Variants in TAX1BP1 observed in about 807,000 individuals in gnomAD.
The protein encoded by TAX1BP1 is tax1-binding protein 1.
In TAX1BP1, 62 loss-of-function variants were observed where a neutral mutation model predicts 97.7. The observed-to-expected ratio is 0.63, with a 90% CI of 0.52 to 0.78. The LOEUF is 0.78. Ranked by LOEUF, TAX1BP1 falls within the 30% of genes least tolerant of loss-of-function variation. TAX1BP1 has a pLI of 0.00. For synonymous variants in TAX1BP1, 340 were observed against 304.2 expected (o/e 1.12, Z -1.23); for missense variants, 867 against 916.1 (o/e 0.95, Z 0.69).
intron 11 of TAX1BP1, among the ~76,000 whole-genome samples, chr7:27,795,282 T>C (rs1018193165): frequency 2.6e-5 from 4 of 152,118 alleles, no homozygotes; most frequent in Non-Finnish European, 2.9e-5. Context: ...AATAAAGACT[T>C]AGTGGTAATG....
intron 5 of TAX1BP1, among the ~76,000 whole-genome samples, chr7:27,776,317 C>T (rs1368170366): frequency 6.6e-6 from 1 of 152,070 alleles, no homozygotes. Flanking sequence ...CTTTCTTTAA[C>T]ATTTTTGTAG....
At chr7:27,819,768 G>T (rs1583409159) in intron 15 of TAX1BP1, among the ~76,000 whole-genome samples, 2 of 152,166 alleles carry the variant, frequency 1.3e-5, no homozygotes, top group South Asian at 4.1e-4. Flanking sequence ...TTCAAAAATT[G>T]TAAGTCTAAC....
intron 5 of TAX1BP1, among the ~76,000 whole-genome samples, chr7:27,774,476 A>G (rs769694785): frequency 3.3e-5 from 5 of 152,086 alleles, no homozygotes; most frequent in African/African-American, 4.8e-5. Context: ...CAAGTATAGT[A>G]TGTCTCTTTA....
At position 27,784,171 on chromosome 7, in the gene TAX1BP1, C is replaced by T. The variant is rs926702514; in HGVS notation, c.613-992C>T. Reference sequence around the variant, plus strand: ...CTTTCATACTTTTAACTTGGCAGAACGGTGATTTTTTTAGTTTTTGTTGCT... The same window carrying T: ...CTTTCATACTTTTAACTTGGCAGAATGGTGATTTTTTTAGTTTTTGTTGCT... On this transcript the variant is annotated intron_variant, in intron 5 of 16. Transcript: ENST00000396319. 2.6e-5 allele frequency among the ~76,000 whole-genome samples: 4 copies of T among 151,976 alleles called. No individual in the cohort carries two copies. The South Asian group carries it at 6.2e-4, about 24-fold the overall frequency.
intron 15 of TAX1BP1, among the ~76,000 whole-genome samples, chr7:27,817,254 A>T (rs1050054931): frequency 6.6e-6 from 1 of 152,208 alleles, no homozygotes; most frequent in African/African-American, 2.4e-5. Flanking sequence ...CTTCAGACTT[A>T]TACTTTAGGA....
intron 4 of TAX1BP1, among the ~76,000 whole-genome samples, chr7:27,769,024 A>C (rs2128312290): frequency 6.6e-6 from 1 of 151,922 alleles, no homozygotes; most frequent in East Asian, 1.9e-4. Context: ...AGAATATTGA[A>C]GTTTATATTT....
At position 27,758,789 on chromosome 7, in the gene TAX1BP1, G is replaced by A. The variant is rs146298453; in HGVS notation, c.265+656G>A. Among the ~76,000 whole-genome samples, 872 of 152,206 alleles carry A rather than the reference G, an allele frequency of 5.7e-3. 6 individuals are homozygous for A. The highest frequency in any genetic ancestry group is 0.02 in the Middle Eastern group (6 of 294). On this transcript the variant is annotated intron_variant, in intron 3 of 16. Coordinates refer to ENST00000396319, the MANE Select transcript of TAX1BP1 (RefSeq NM_006024.7). Reference sequence around the variant, plus strand: ...AGAAAGTAGAATGGTGGTCTGCAGGGCATTCAGGTTCCCTCAAGGGAGGAA... The same window carrying A: ...AGAAAGTAGAATGGTGGTCTGCAGGACATTCAGGTTCCCTCAAGGGAGGAA...
At chr7:27,788,744 T>C (rs1308047073) in intron 8 of TAX1BP1, among the ~76,000 whole-genome samples, 2 of 152,034 alleles carry the variant, frequency 1.3e-5, no homozygotes, top group African/African-American at 4.8e-5. Flanking sequence ...GAATACTTTC[T>C]TGCTTTATGG....
At chr7:27,751,156 A>G (rs973837082) in intron 2 of TAX1BP1, among the ~76,000 whole-genome samples, 2 of 152,024 alleles carry the variant, frequency 1.3e-5, no homozygotes, top group Admixed American at 6.6e-5. Context: ...TTCATTGTGC[A>G]CTTTAAGGAT....
Position 27,828,755 on chromosome 7 carries a change from CCTGA to C in TAX1BP1, c.2299_2302del (p.Asp767MetfsTer19), listed in dbSNP as rs778982087. On this transcript the variant is annotated frameshift_variant, in exon 17 of 17. Coordinates refer to ENST00000396319, the MANE Select transcript of TAX1BP1 (RefSeq NM_006024.7). LOFTEE classifies it high-confidence loss of function. Reference sequence around the variant, plus strand: ...CCCGATGTGCAGCGAGCAGTTCCCTCCTGACTATGACCAGCAGGTGTTTGAAAGG... The same window carrying C: ...CCCGATGTGCAGCGAGCAGTTCCCTCCTATGACCAGCAGGTGTTTGAAAGG... 1.9e-6 allele frequency: 3 copies of C among 1,614,012 alleles called. No individual in the cohort carries two copies. The highest frequency in any genetic ancestry group is 2.5e-6 in the Non-Finnish European group (3 of 1,179,988).
intron 2 of TAX1BP1, among the ~76,000 whole-genome samples, chr7:27,753,899 A>G (rs750123640): frequency 6.6e-6 from 1 of 151,898 alleles, no homozygotes; most frequent in Non-Finnish European, 1.5e-5. Flanking sequence ...TAGATAAAGG[A>G]TGACTACTGT....
intron 13 of TAX1BP1, among the ~76,000 whole-genome samples, chr7:27,800,552 C>T (rs958855258): frequency 2.0e-5 from 3 of 151,706 alleles, no homozygotes; most frequent in African/African-American, 7.3e-5. Flanking sequence ...TACCCACCCC[C>T]CTACCAGTCT....
intron 13 of TAX1BP1, among the ~76,000 whole-genome samples, chr7:27,802,718 G>A (rs1790187090): frequency 6.6e-6 from 1 of 152,128 alleles, no homozygotes; most frequent in Non-Finnish European, 1.5e-5. Flanking sequence ...AGTGGTACAC[G>A]AGTTAATATT....
At chr7:27,803,209 G>A (rs772202058) in intron 13 of TAX1BP1, 89 of 1,483,906 alleles carry the variant, frequency 6.0e-5, no homozygotes, top group Non-Finnish European at 8.0e-5. Context: ...AAACAAATGT[G>A]TATCACATGA....
intron 13 of TAX1BP1, 128 bp from the exon 14 acceptor site, chr7:27,816,221 C>G (rs1216041481): frequency 4.1e-6 from 3 of 723,848 alleles, no homozygotes; most frequent in Non-Finnish European, 6.4e-6. Flanking sequence ...AACTGTGTTT[C>G]CAATTGCATT....
intron 2 of TAX1BP1, among the ~76,000 whole-genome samples, chr7:27,753,337 T>C (rs1788091008): frequency 6.6e-6 from 1 of 152,188 alleles, no homozygotes; most frequent in Non-Finnish European, 1.5e-5. Flanking sequence ...TGATGCCATA[T>C]CTTTATTATT....
upstream of TAX1BP1, chr7:27,739,637 T>G (rs1452000887): frequency 6.6e-6 from 1 of 152,172 alleles, no homozygotes; most frequent in East Asian, 1.9e-4. Flanking sequence ...GAAAAGCTCC[T>G]AGGAGCTTTC....
intron 5 of TAX1BP1, among the ~76,000 whole-genome samples, chr7:27,779,107 T>C (rs890376496): frequency 6.6e-6 from 1 of 152,246 alleles, no homozygotes. Context: ...CATAGATCAG[T>C]ACTTTGTTTC....
At chr7:27,773,857 C>CT (rs1389228382) in intron 5 of TAX1BP1, among the ~76,000 whole-genome samples, 1 of 152,020 alleles carries the variant, frequency 6.6e-6, no homozygotes, top group Non-Finnish European at 1.5e-5. Flanking sequence ...GTAAAAAGAG[C>CT]TGTGCCTCTG....
Sources: gnomAD v4.1 joint callset for allele counts (sites outside exome capture counted in the v4.1 genomes callset) on GRCh38, gnomAD v4.1.1 for gene constraint, MANE v1.5 for transcripts, NCBI Gene and HGNC (gene_info 2026-07-23, HGNC 2026-07-21) for gene names.